Variants in RIMS2 observed in about 807,000 individuals in gnomAD.
RIMS2 encodes regulating synaptic membrane exocytosis 2, also known as regulating synaptic membrane exocytosis protein 2.
Under a neutral mutation model 174.4 loss-of-function variants are expected in RIMS2, and 59 were observed. The observed-to-expected ratio is 0.34, with a 90% CI of 0.27 to 0.42. RIMS2 has a LOEUF of 0.42. Among genes scored for constraint, RIMS2 ranks in the 10% least tolerant of loss-of-function variants. RIMS2 has a pLI of 1.00. For synonymous variants in RIMS2, 606 were observed against 572.5 expected, an observed-to-expected ratio of 1.06 and a Z score of -0.84; for missense variants, 1,620 against 1,666.3, an observed-to-expected ratio of 0.97 and a Z score of 0.48.
intron 3 of RIMS2, among the ~76,000 whole-genome samples, chr8:103,802,040 C>T (rs10102149): frequency 0.24 from 37,207 of 152,008 alleles, 4,911 homozygotes; most frequent in Non-Finnish European, 0.27. Context: ...AGTAAAATTA[C>T]AATCAAAGAA....
At chr8:103,706,825 A>G (rs2097236248) in intron 2 of RIMS2, among the ~76,000 whole-genome samples, 1 of 152,006 alleles carries the variant, frequency 6.6e-6, no homozygotes, top group African/African-American at 2.4e-5. Context: ...CTGTATATCC[A>G]TCTTTCTCTA....
At chr8:103,551,448 C>G (rs999122210) in intron 1 of RIMS2, among the ~76,000 whole-genome samples, 1 of 152,150 alleles carries the variant, frequency 6.6e-6, no homozygotes, top group Non-Finnish European at 1.5e-5. Flanking sequence ...TGGGATGTAT[C>G]TCAAAATAAT....
chr8:103,555,328 C>T (rs894855007), intron 1 of RIMS2, among the ~76,000 whole-genome samples: 1 of 152,060 alleles, frequency 6.6e-6, no homozygotes, highest in Non-Finnish European at 1.5e-5. Flanking sequence ...TATTACCTCA[C>T]AACTATTAGA....
At chr8:103,559,934 C>T (rs2091310652) in intron 1 of RIMS2, among the ~76,000 whole-genome samples, 1 of 152,212 alleles carries the variant, frequency 6.6e-6, no homozygotes, top group African/African-American at 2.4e-5. Flanking sequence ...TATACCTACA[C>T]ATGCAGTGAG....
Position 104,244,133 on chromosome 8 carries a change from T to C in RIMS2, c.3335-783T>C, listed in dbSNP as rs1313323421. On this transcript the variant is annotated intron_variant, in intron 19 of 23. Coordinates refer to ENST00000504942, the Ensembl canonical transcript of RIMS2. Reference sequence around the variant, plus strand: ...ACCTCTCCAGATAGTACTTCCTATCTGTGTCACATCTGTAGTATTTGACTC... The same window carrying C: ...ACCTCTCCAGATAGTACTTCCTATCCGTGTCACATCTGTAGTATTTGACTC... 2.6e-5 allele frequency among the ~76,000 whole-genome samples: 4 copies of C among 152,234 alleles called. No homozygotes were observed. In the East Asian group the frequency reaches 7.7e-4, roughly 29 times the overall value.
At chr8:103,635,219 T>C (rs566168626) in intron 1 of RIMS2, among the ~76,000 whole-genome samples, 1 of 152,338 alleles carries the variant, frequency 6.6e-6, no homozygotes, top group South Asian at 2.1e-4. Flanking sequence ...TTCTTTTCTA[T>C]ATTAGTGCTT....
chr8:104,204,554 A>T (rs2099070848), intron 19 of RIMS2, among the ~76,000 whole-genome samples: 1 of 151,874 alleles, frequency 6.6e-6, no homozygotes. Flanking sequence ...ATTTACAGAG[A>T]GTGCTCATAA....
At chr8:104,072,589 C>T (rs1033804719) in intron 19 of RIMS2, among the ~76,000 whole-genome samples, 3 of 152,096 alleles carry the variant, frequency 2.0e-5, no homozygotes, top group Non-Finnish European at 2.9e-5. Context: ...GTCTCCTGAG[C>T]TGTATTCCTG....
chr8:103,624,295 G>A, intron 1 of RIMS2, among the ~76,000 whole-genome samples: 1 of 152,186 alleles, frequency 6.6e-6, no homozygotes, highest in East Asian at 1.9e-4. Context: ...AAAGGCAGAG[G>A]AAGGAGGAAT....
chr8:103,762,756 T>C (rs2098125847), intron 2 of RIMS2, among the ~76,000 whole-genome samples: 1 of 152,156 alleles, frequency 6.6e-6, no homozygotes. Flanking sequence ...GCTAACATCA[T>C]GGAGTGTACT....
At chr8:104,244,784 T>G in intron 19 of RIMS2, 132 bp from the exon 26 acceptor site, 1 of 682,748 alleles carries the variant, frequency 1.5e-6, no homozygotes, top group Non-Finnish European at 2.5e-6. Flanking sequence ...ATACCTTTTC[T>G]TTCTGCCTCC....
At chr8:103,788,070 T>C (rs2098460761) in intron 3 of RIMS2, among the ~76,000 whole-genome samples, 1 of 150,620 alleles carries the variant, frequency 6.6e-6, no homozygotes, top group Admixed American at 6.6e-5. Context: ...CATTGGCTCC[T>C]GAGGCTTCTG....
Position 103,536,402 on chromosome 8 carries a change from A to C in RIMS2, c.176+35340A>C, listed in dbSNP as rs897403574. ...TTAATGCAGAGTATAGAAACGGTGA[A>C]ATAATCTTAAGATGTACATTGGTCA... On this transcript the variant is annotated intron_variant, in intron 1 of 23. Transcript: ENST00000504942. Among the ~76,000 whole-genome samples, 3 of 152,174 alleles carry C rather than the reference A, an allele frequency of 2.0e-5. No individual in the cohort carries two copies. In the East Asian group the frequency reaches 5.8e-4, roughly 29 times the overall value.
chr8:104,157,778 A>G (rs184062763), intron 19 of RIMS2, among the ~76,000 whole-genome samples: 1 of 152,324 alleles, frequency 6.6e-6, no homozygotes, highest in African/African-American at 2.4e-5. Context: ...GCTACTATGT[A>G]TATGGGGGTA....
In RIMS2 at chr8:103,795,460, CATT is replaced by C. The variant is rs1378638541; in HGVS notation, c.698+28925_698+28927del. 2.6e-5 allele frequency among the ~76,000 whole-genome samples: 4 copies of C among 152,046 alleles called. No homozygotes were observed. In the East Asian group the frequency reaches 7.7e-4, roughly 29 times the overall value. ...GGGTGGGGGGAGGCGGGAGGGATAG[CATT>C]AGGACATATACCTAATGAAAATGAG... On this transcript the variant is annotated intron_variant, in intron 3 of 23. Coordinates refer to ENST00000504942, the Ensembl canonical transcript of RIMS2.
chr8:104,094,421 G>GACTT (rs71297252), intron 19 of RIMS2: 123,388 of 578,384 alleles, frequency 0.21, 14,154 homozygotes, highest in African/African-American at 0.33. Flanking sequence ...GTTTTTTCTT[G>GACTT]ACTTTCTTTT....
intron 4 of RIMS2, among the ~76,000 whole-genome samples, chr8:103,900,391 T>G (rs1439740315): frequency 2.0e-5 from 3 of 148,770 alleles, no homozygotes; most frequent in African/African-American, 7.8e-5. Flanking sequence ...GCCCAGCTAA[T>G]TTTTGTATTT....
chr8:103,960,724 G>C (rs1050621405), intron 14 of RIMS2, among the ~76,000 whole-genome samples: 1 of 152,012 alleles, frequency 6.6e-6, no homozygotes, highest in African/African-American at 2.4e-5. Context: ...AAATTAACTT[G>C]ACTTATCTAT....
At chr8:103,909,990 C>CTATATATATA (rs112720274) in intron 4 of RIMS2, 20 of 396,014 alleles carry the variant, frequency 5.1e-5, no homozygotes, top group African/African-American at 3.9e-4. Flanking sequence ...ATAGCACTCA[C>CTATATATATA]TATATATATA....
Sources: allele counts gnomAD v4.1 joint callset (sites outside exome capture counted in the v4.1 genomes callset), GRCh38; gene constraint gnomAD v4.1.1; transcripts MANE v1.5; gene names NCBI Gene and HGNC (gene_info 2026-07-23, HGNC 2026-07-21).